Variants in LRRC4C observed in about 807,000 individuals in gnomAD.
LRRC4C encodes the protein leucine rich repeat containing 4C.
LRRC4C carries 5 observed loss-of-function variants against 33.6 expected under a neutral mutation model. The ratio of observed to expected loss-of-function variants is 0.15; its 90% CI spans 0.08 to 0.31. LRRC4C has a LOEUF of 0.31. Ranked by LOEUF, LRRC4C falls within the 10% of genes least tolerant of loss-of-function variation. LRRC4C has a pLI of 1.00. For missense variants in LRRC4C, 560 were observed against 796.7 expected (o/e 0.70, Z 3.58); for synonymous variants, 329 against 302.0 (o/e 1.09, Z -0.93).
At chr11:40,512,846 G>A (rs966117135) in intron 3 of LRRC4C, among the ~76,000 whole-genome samples, 2 of 152,160 alleles carry the variant, frequency 1.3e-5, no homozygotes, top group Non-Finnish European at 2.9e-5. Flanking sequence ...CCACACTGCA[G>A]TAGCTGCTCT....
intron 4 of LRRC4C, among the ~76,000 whole-genome samples, chr11:40,308,979 T>C (rs578155117): frequency 1.3e-5 from 2 of 152,324 alleles, no homozygotes; most frequent in South Asian, 4.1e-4. Flanking sequence ...ATAGGTATTC[T>C]CAAAGAAGTA....
chr11:40,325,203 C>A (rs768321456), intron 3 of LRRC4C, among the ~76,000 whole-genome samples: 1 of 152,136 alleles, frequency 6.6e-6, no homozygotes, highest in African/African-American at 2.4e-5. Flanking sequence ...ACAAAGCCAA[C>A]AACAGTGCAA....
rs373237765 is a variant in LRRC4C at position 40,290,771 on chromosome 11, A to G, written c.-176+28857T>C. 7.9e-4 allele frequency among the ~76,000 whole-genome samples: 121 copies of G among 152,246 alleles called. No homozygotes were observed. In the South Asian group the frequency reaches 0.024, roughly 31 times the overall value. On this transcript the variant is annotated intron_variant, in intron 4 of 6. Transcript: ENST00000528697. ...TAAACTATGCTATAGAAAGGAAAAG[A>G]GGAAAGGAAGAGGGAGAGAGGGAGG...
At chr11:41,213,723 C>T (rs1946919629) in intron 1 of LRRC4C, among the ~76,000 whole-genome samples, 1 of 152,190 alleles carries the variant, frequency 6.6e-6, no homozygotes, top group Non-Finnish European at 1.5e-5. Flanking sequence ...ATATGCACTT[C>T]CATACACACA....
At chr11:40,324,646 A>G (rs979614937) in intron 3 of LRRC4C, among the ~76,000 whole-genome samples, 1 of 152,216 alleles carries the variant, frequency 6.6e-6, no homozygotes, top group African/African-American at 2.4e-5. Flanking sequence ...AGATATCTAT[A>G]TTTTCTTGAA....
chr11:40,460,124 C>T (rs1429822858), intron 3 of LRRC4C, among the ~76,000 whole-genome samples: 2 of 152,098 alleles, frequency 1.3e-5, no homozygotes, highest in Non-Finnish European at 1.5e-5. Context: ...TTCAATCCTA[C>T]TTTCCTTCTC....
intron 1 of LRRC4C, among the ~76,000 whole-genome samples, chr11:41,298,772 T>G (rs911225806): frequency 6.6e-6 from 1 of 152,166 alleles, no homozygotes; most frequent in African/African-American, 2.4e-5. Context: ...CATTAAGTAA[T>G]TTCTCATCTC....
intron 2 of LRRC4C, among the ~76,000 whole-genome samples, chr11:40,749,054 A>C (rs1948563601): frequency 6.6e-6 from 1 of 152,150 alleles, no homozygotes; most frequent in East Asian, 1.9e-4. Flanking sequence ...ATTCAACGTA[A>C]GACAGATCAT....
At chr11:40,801,354 C>A (rs78546394) in intron 2 of LRRC4C, among the ~76,000 whole-genome samples, 20,256 of 152,054 alleles carry the variant, frequency 0.13, 1,433 homozygotes, top group East Asian at 0.2. Context: ...CTTTATACCA[C>A]CTTCTATATG....
chr11:40,600,162 C>T (rs1959836024), intron 3 of LRRC4C, among the ~76,000 whole-genome samples: 2 of 152,158 alleles, frequency 1.3e-5, no homozygotes, highest in South Asian at 2.1e-4. Flanking sequence ...GGATTGGACT[C>T]AGTTTAGGGA....
intron 1 of LRRC4C, among the ~76,000 whole-genome samples, chr11:41,149,106 C>CAAAAATTTTTCAGAAAAAAAAA (rs1943865146): frequency 6.6e-6 from 1 of 151,652 alleles, no homozygotes; most frequent in Admixed American, 6.6e-5. Context: ...CAGAAAAAAA[C>CAAAAATTTTTCAGAAAAAAAAA]AAAAAAGGAT....
At chr11:40,272,450 C>T (rs1160838423) in intron 4 of LRRC4C, among the ~76,000 whole-genome samples, 2 of 151,992 alleles carry the variant, frequency 1.3e-5, no homozygotes, top group Non-Finnish European at 2.9e-5. Context: ...TGTGGATACT[C>T]CATATAAATT....
At chr11:40,974,854 C>T (rs1851973375) in intron 1 of LRRC4C, among the ~76,000 whole-genome samples, 1 of 152,200 alleles carries the variant, frequency 6.6e-6, no homozygotes, top group African/African-American at 2.4e-5. Context: ...TCCTCCTGTT[C>T]TTGGACACTG....
chr11:40,119,558 G>A (rs987866160), intron 6 of LRRC4C, among the ~76,000 whole-genome samples: 1 of 152,040 alleles, frequency 6.6e-6, no homozygotes, highest in Non-Finnish European at 1.5e-5. Flanking sequence ...CACAGTGCCT[G>A]GCATACTGTA....
rs1335620236 is a variant in LRRC4C, at chr11:40,311,029, CATT to C, written c.-176+8596_-176+8598del. On this transcript the variant is annotated intron_variant, in intron 4 of 6. Coordinates refer to ENST00000528697, the MANE Select transcript of LRRC4C (RefSeq NM_001258419.2). ...TGAGGATTCCTTAGATCCTTTGTGT[CATT>C]ATCTCTGCCAAAACAGAAAATATCT... Among the ~76,000 whole-genome samples, 5 of 152,296 alleles carry C rather than the reference CATT, an allele frequency of 3.3e-5. No individual in the cohort carries two copies. The East Asian group carries it at 9.6e-4, about 29-fold the overall frequency.
chr11:41,123,866 C>T (rs1005071896), intron 1 of LRRC4C, among the ~76,000 whole-genome samples: 1 of 152,168 alleles, frequency 6.6e-6, no homozygotes, highest in Non-Finnish European at 1.5e-5. Flanking sequence ...TCCTGCTAAT[C>T]ATGCCAGAGT....
At chr11:41,340,261 C>A (rs1193760500) in intron 1 of LRRC4C, among the ~76,000 whole-genome samples, 1 of 152,042 alleles carries the variant, frequency 6.6e-6, no homozygotes, top group Admixed American at 6.5e-5. Context: ...TTAAAAAATT[C>A]TACATAAAGA....
chr11:40,813,416 G>T (rs1043948992), intron 2 of LRRC4C, among the ~76,000 whole-genome samples: 1 of 152,080 alleles, frequency 6.6e-6, no homozygotes, highest in Non-Finnish European at 1.5e-5. Flanking sequence ...ATCTTGTAAG[G>T]CTTATTAATT....
chr11:40,615,721 C>G (rs1465759263), intron 3 of LRRC4C, among the ~76,000 whole-genome samples: 2 of 151,640 alleles, frequency 1.3e-5, no homozygotes, highest in Non-Finnish European at 3.0e-5. Flanking sequence ...TTAAAAAGTG[C>G]AAGTAAACAC....
Sources: allele counts gnomAD v4.1 joint callset (sites outside exome capture counted in the v4.1 genomes callset), GRCh38; gene constraint gnomAD v4.1.1; transcripts MANE v1.5; gene names NCBI Gene and HGNC (gene_info 2026-07-23, HGNC 2026-07-21).